The following NEDD4 variants were observed in gnomAD, a reference collection of about 807,000 sequenced individuals.
The protein encoded by NEDD4 is E3 ubiquitin-protein ligase NEDD4.
A neutral mutation model predicts 144.9 loss-of-function variants in NEDD4; 99 were observed. That is an observed-to-expected ratio of 0.68 (90% CI 0.58 to 0.81). The LOEUF is 0.81. Among genes scored for constraint, NEDD4 ranks in the 30% least tolerant of loss-of-function variants. The pLI is 0.00. For missense variants in NEDD4, 985 were observed against 1,065.9 expected (o/e 0.92, Z 1.06); for synonymous variants, 318 against 350.6 (o/e 0.91, Z 1.04).
At chr15:55,936,849 A>G (rs2036899806) in intron 4 of NEDD4, among the ~76,000 whole-genome samples, 2 of 151,606 alleles carry the variant, frequency 1.3e-5, no homozygotes, top group South Asian at 2.1e-4. Context: ...CTGGAGCACA[A>G]TGGTGTGAAC....
intron 1 of NEDD4, among the ~76,000 whole-genome samples, chr15:55,970,305 A>C (rs2037586253): frequency 6.6e-6 from 1 of 152,072 alleles, no homozygotes; most frequent in Non-Finnish European, 1.5e-5. Flanking sequence ...ACTCCTGGAC[A>C]GCATTTCTAG....
rs189780740 is a variant in NEDD4, at chr15:55,953,151, G to A, written c.120-1562C>T. On this transcript the variant is annotated intron_variant, in intron 2 of 28. Transcript: ENST00000435532. ...ACTGCAGGCGCACACCACCACGCCC[G>A]GCTAATTTTTGTATTTTTAGTACAG... is the stretch of plus-strand genomic sequence containing the variant. 5.7e-4 allele frequency among the ~76,000 whole-genome samples: 86 copies of A among 151,546 alleles called. 1 individual carries two copies. The highest frequency in any genetic ancestry group is 5.4e-3 in the South Asian group (26 of 4,784).
chr15:55,987,143 G>A (rs1489235989), intron 1 of NEDD4: 1 of 108,816 alleles, frequency 9.2e-6, no homozygotes, highest in Non-Finnish European at 1.9e-5. Flanking sequence ...GTTGTTTCCT[G>A]ACTTTTTAAT....
chr15:55,934,186 T>A (rs2036838422), intron 4 of NEDD4, among the ~76,000 whole-genome samples: 1 of 152,104 alleles, frequency 6.6e-6, no homozygotes, highest in African/African-American at 2.4e-5. Context: ...TTTAAAAAAA[T>A]TACCCAGTCT....
intron 5 of NEDD4, among the ~76,000 whole-genome samples, chr15:55,911,061 C>A (rs562361835): frequency 2.9e-5 from 4 of 140,204 alleles, no homozygotes; most frequent in Non-Finnish European, 4.7e-5. Flanking sequence ...ATGCTTGAGC[C>A]CCACTGGACT....
chr15:55,863,570 A>T (rs1296331514), intron 8 of NEDD4, among the ~76,000 whole-genome samples: 2 of 152,206 alleles, frequency 1.3e-5, no homozygotes, highest in African/African-American at 4.8e-5. Context: ...ATTATTGTCA[A>T]TCAAAAATAA....
chr15:55,970,183 G>GA (rs1350256808), intron 1 of NEDD4, among the ~76,000 whole-genome samples: 1 of 152,106 alleles, frequency 6.6e-6, no homozygotes, highest in Non-Finnish European at 1.5e-5. Context: ...GTCTGCTTGA[G>GA]AAAATCAAAG....
rs1595716686 is a variant in NEDD4, at chr15:55,829,651, T to G, written c.*246A>C. The G allele has an allele frequency of 2.7e-6, 1 of 375,610 alleles. No individual in the cohort carries two copies. The highest frequency in any genetic ancestry group is 4.8e-6 in the Non-Finnish European group (1 of 206,846). The allele number at this position is 375,610 out of a possible 1,614,324, so 23.3% of individuals were successfully genotyped here. A position where few individuals can be genotyped will look rare whatever the true frequency, so the allele number is the denominator to read the frequency against. ...TGAACTCTAAAGCCAGGTGTGGTGG[T>G]GCCTGGCTTTAGGCAGGCACCTAAC... On this transcript the variant is annotated 3_prime_UTR_variant, in exon 29 of 29. Coordinates refer to ENST00000435532, the MANE Select transcript of NEDD4 (RefSeq NM_006154.4).
chr15:55,970,090 G>T (rs68111860), intron 1 of NEDD4, among the ~76,000 whole-genome samples: 3 of 151,856 alleles, frequency 2.0e-5, no homozygotes, highest in Non-Finnish European at 4.4e-5. Flanking sequence ...TTAAAGAGAC[G>T]TTGGGCCCTT....
intron 27 of NEDD4, 138 bp from the exon 28 acceptor site, chr15:55,830,724 G>A (rs1203910172): frequency 1.5e-6 from 1 of 680,172 alleles, no homozygotes; most frequent in Non-Finnish European, 2.5e-6. Context: ...TTTAGAGATG[G>A]GGTATCCCTC....
At chr15:55,985,456 A>C (rs1301785835) in intron 1 of NEDD4, among the ~76,000 whole-genome samples, 1 of 152,242 alleles carries the variant, frequency 6.6e-6, no homozygotes. Context: ...TGCATAGAGA[A>C]TAGCAATATT....
chr15:55,902,553 A>G (rs1420863142), intron 5 of NEDD4, among the ~76,000 whole-genome samples: 7 of 152,218 alleles, frequency 4.6e-5, no homozygotes, highest in African/African-American at 1.7e-4. Flanking sequence ...AAATGTTGAT[A>G]TATTTTAGAA....
At chr15:55,840,566 C>T (rs201328988) in intron 20 of NEDD4, 40 bp downstream of exon 20, 12 of 1,613,110 alleles carry the variant, frequency 7.4e-6, no homozygotes, top group Non-Finnish European at 1.0e-5. Flanking sequence ...TGAAAGAAAA[C>T]AGGTAATTAT....
intron 5 of NEDD4, among the ~76,000 whole-genome samples, chr15:55,894,901 C>T (rs1359775586): frequency 6.6e-6 from 1 of 151,994 alleles, no homozygotes; most frequent in African/African-American, 2.4e-5. Flanking sequence ...TGTAATATAT[C>T]CAACATTTTT....
chr15:55,828,615 C>T lies in NEDD4; in HGVS notation c.*1282G>A, dbSNP rs1477346967. 2.0e-5 allele frequency: 3 copies of T among 152,518 alleles called. No homozygotes were observed. The highest frequency in any genetic ancestry group is 2.9e-5 in the Non-Finnish European group (2 of 68,026). The allele number at this position is 152,518 out of a possible 1,614,324, so 9.4% of individuals were successfully genotyped here. A position where few individuals can be genotyped will look rare whatever the true frequency, so the allele number is the denominator to read the frequency against. On this transcript the variant is annotated 3_prime_UTR_variant, in exon 29 of 29. Coordinates refer to ENST00000435532, the MANE Select transcript of NEDD4 (RefSeq NM_006154.4). ...CTTCTCTGAAGCTGACAACTCTTACCCCAGAGCATAGCACAGCGCTAGGCA... is the reference window on the plus strand; with the variant it reads ...CTTCTCTGAAGCTGACAACTCTTACTCCAGAGCATAGCACAGCGCTAGGCA...
intron 14 of NEDD4, among the ~76,000 whole-genome samples, chr15:55,849,970 T>C (rs2033915680): frequency 6.6e-6 from 1 of 152,006 alleles, no homozygotes; most frequent in South Asian, 2.1e-4. Flanking sequence ...TTATTTTGTA[T>C]TTTTAGTAGA....
chr15:55,860,371 C>T (rs1366613506), intron 11 of NEDD4, 36 bp downstream of exon 11: 1 of 1,604,930 alleles, frequency 6.2e-7, no homozygotes, highest in Non-Finnish European at 8.5e-7. Flanking sequence ...ATAATATAAA[C>T]TACTGAAGCC....
intron 1 of NEDD4, among the ~76,000 whole-genome samples, chr15:55,990,651 G>T (rs1183305666): frequency 6.6e-6 from 1 of 152,124 alleles, no homozygotes; most frequent in Admixed American, 6.5e-5. Flanking sequence ...CTTAACTGGG[G>T]AGCCTACTTT....
At chr15:55,974,417 T>C (rs1595884373) in intron 1 of NEDD4, among the ~76,000 whole-genome samples, 1 of 152,218 alleles carries the variant, frequency 6.6e-6, no homozygotes, top group East Asian at 1.9e-4. Context: ...ACTGATTCTA[T>C]AAGGCCAATA....
Sources: gnomAD v4.1 joint callset for allele counts (sites outside exome capture counted in the v4.1 genomes callset) on GRCh38, gnomAD v4.1.1 for gene constraint, MANE v1.5 for transcripts, NCBI Gene and HGNC (gene_info 2026-07-23, HGNC 2026-07-21) for gene names.